Variants in RGS7 observed in about 807,000 individuals in gnomAD.
RGS7 encodes the protein regulator of G-protein signaling 7.
Under a neutral mutation model 81.1 loss-of-function variants are expected in RGS7, and 27 were observed. The observed-to-expected ratio is 0.33, with a 90% CI of 0.25 to 0.46. RGS7 has a LOEUF of 0.46. RGS7 is among the 20% of genes least tolerant of loss of function. The probability of loss-of-function intolerance (pLI) is 1.00; values close to 1 mark genes in which losing one functional copy is unlikely to be tolerated. For missense variants in RGS7, 396 were observed against 607.4 expected (o/e 0.65, Z 3.66); for synonymous variants, 208 against 207.7 (o/e 1.00, Z -0.01).
chr1:240,862,817 T>C (rs1361694148), intron 9 of RGS7, among the ~76,000 whole-genome samples: 1 of 146,962 alleles, frequency 6.8e-6, no homozygotes, highest in Admixed American at 6.7e-5. Context: ...TTAAAATTGA[T>C]AGTGATTGCT....
intron 6 of RGS7, among the ~76,000 whole-genome samples, chr1:240,898,099 G>C (rs1572658404): frequency 6.6e-6 from 1 of 152,112 alleles, no homozygotes; most frequent in East Asian, 1.9e-4. Flanking sequence ...TCTGATGGTA[G>C]TTTGTATTTC....
intron 2 of RGS7, among the ~76,000 whole-genome samples, chr1:241,334,661 T>C (rs532671723): frequency 9.2e-5 from 14 of 152,350 alleles, no homozygotes; most frequent in African/African-American, 2.6e-4. Context: ...GTTCTCTTTC[T>C]ATACTGCAGT....
At chr1:241,298,162 A>C (rs1037668170) in intron 2 of RGS7, among the ~76,000 whole-genome samples, 38 of 152,320 alleles carry the variant, frequency 2.5e-4, no homozygotes, top group African/African-American at 9.1e-4. Flanking sequence ...TCAAAGAAAA[A>C]GTTAGTTGGA....
At chr1:240,853,432 G>T (rs1026306581) in intron 9 of RGS7, among the ~76,000 whole-genome samples, 10 of 152,108 alleles carry the variant, frequency 6.6e-5, no homozygotes, top group African/African-American at 2.4e-4. Context: ...AGATTAATAC[G>T]AAAGCTACAT....
chr1:241,002,172 C>T (rs1007564221), intron 3 of RGS7, among the ~76,000 whole-genome samples: 5 of 152,090 alleles, frequency 3.3e-5, no homozygotes, highest in South Asian at 2.1e-4. Flanking sequence ...ATAGGCCCGG[C>T]GGGATGGCTC....
chr1:241,305,873 G>A (rs975482928), intron 2 of RGS7: 9 of 291,456 alleles, frequency 3.1e-5, no homozygotes, highest in Admixed American at 3.1e-4. Context: ...CACGGCCATG[G>A]GGTAGTGCAG....
intron 2 of RGS7, among the ~76,000 whole-genome samples, chr1:241,272,888 C>T (rs1223963888): frequency 6.6e-6 from 1 of 152,044 alleles, no homozygotes; most frequent in African/African-American, 2.4e-5. Flanking sequence ...TTTTTTCCAG[C>T]ACAGCTGTTT....
At chr1:241,002,723 G>T (rs1471789941) in intron 3 of RGS7, among the ~76,000 whole-genome samples, 3 of 152,140 alleles carry the variant, frequency 2.0e-5, no homozygotes, top group Admixed American at 2.0e-4. Context: ...TGAATGAATG[G>T]AAAAACTTTG....
At chr1:241,260,161 A>G (rs763826224) in intron 2 of RGS7, among the ~76,000 whole-genome samples, 11 of 151,934 alleles carry the variant, frequency 7.2e-5, no homozygotes, top group Non-Finnish European at 1.6e-4. Flanking sequence ...TATTGATCTC[A>G]CTCTTCTTTG....
intron 3 of RGS7, among the ~76,000 whole-genome samples, chr1:241,022,486 C>A (rs989747913): frequency 2.6e-5 from 4 of 152,172 alleles, no homozygotes; most frequent in African/African-American, 9.7e-5. Flanking sequence ...GTTTGAGATA[C>A]TTTGCAGAGT....
At chr1:241,006,565 A>C (rs1469222170) in intron 3 of RGS7, among the ~76,000 whole-genome samples, 1 of 152,234 alleles carries the variant, frequency 6.6e-6, no homozygotes, top group Non-Finnish European at 1.5e-5. Context: ...GAACAATGAA[A>C]GATTAAAACA....
intron 2 of RGS7, among the ~76,000 whole-genome samples, chr1:241,186,033 C>G (rs2072065349): frequency 6.6e-6 from 1 of 152,106 alleles, no homozygotes; most frequent in South Asian, 2.1e-4. Flanking sequence ...AAATCAAAAT[C>G]TGGTTCTGAG....
chr1:241,026,521 G>C (rs567340181), intron 3 of RGS7, among the ~76,000 whole-genome samples: 4 of 151,834 alleles, frequency 2.6e-5, no homozygotes, highest in African/African-American at 9.7e-5. Flanking sequence ...CCTGGGAGGC[G>C]GACGTTGCAG....
chr1:241,298,502 T>C (rs2079551446), intron 2 of RGS7, among the ~76,000 whole-genome samples: 1 of 152,196 alleles, frequency 6.6e-6, no homozygotes. Flanking sequence ...CTCTACTTTA[T>C]CTTTTCAACT....
rs923080573 is a variant in RGS7 at position 241,260,701 on chromosome 1, T to C, written c.78+94998A>G. 5.3e-5 allele frequency among the ~76,000 whole-genome samples: 8 copies of C among 152,090 alleles called. No homozygotes were observed. In the East Asian group the frequency reaches 9.6e-4, roughly 18 times the overall value. ...TGCTTATTGTGAAGATTAAAGAAAA[T>C]TGTGAATGGCAAGAGCATATCACAC... On this transcript the variant is annotated intron_variant, in intron 2 of 18. Coordinates refer to ENST00000440928, the MANE Select transcript of RGS7 (RefSeq NM_001364886.1).
chr1:240,784,658 AT>A (rs11451897), intron 18 of RGS7, among the ~76,000 whole-genome samples: 2,941 of 141,068 alleles, frequency 0.021, 82 homozygotes, highest in African/African-American at 0.067. Context: ...AAAAAAAAAG[AT>A]TTTTTTTTTT....
At chr1:241,335,640 C>G (rs1462563631) in intron 2 of RGS7, among the ~76,000 whole-genome samples, 2 of 152,002 alleles carry the variant, frequency 1.3e-5, no homozygotes, top group Non-Finnish European at 2.9e-5. Flanking sequence ...TTGGAACACA[C>G]AAAAATCACA....
At chr1:240,958,663 G>A (rs1336737418) in intron 4 of RGS7, among the ~76,000 whole-genome samples, 1 of 152,152 alleles carries the variant, frequency 6.6e-6, no homozygotes, top group African/African-American at 2.4e-5. Context: ...AGTTCTTCCA[G>A]TCAAACTGGA....
intron 3 of RGS7, among the ~76,000 whole-genome samples, chr1:241,067,446 C>A (rs560803520): frequency 7.9e-5 from 12 of 152,074 alleles, no homozygotes; most frequent in Non-Finnish European, 1.5e-4. Context: ...CGAGAGCTAT[C>A]CTTCCAGGGC....
Sources: gnomAD v4.1 joint callset for allele counts (sites outside exome capture counted in the v4.1 genomes callset) on GRCh38, gnomAD v4.1.1 for gene constraint, MANE v1.5 for transcripts, NCBI Gene and HGNC (gene_info 2026-07-23, HGNC 2026-07-21) for gene names.